Variants in CDC14B observed in about 807,000 individuals in gnomAD.
The protein encoded by CDC14B is dual specificity protein phosphatase CDC14B.
In CDC14B, 22 loss-of-function variants were observed where a neutral mutation model predicts 64.2. The observed-to-expected ratio is 0.34, with a 90% CI of 0.24 to 0.49. CDC14B has a LOEUF of 0.49. Among genes scored for constraint, CDC14B ranks in the 20% least tolerant of loss-of-function variants. CDC14B has a pLI of 0.99. For synonymous variants in CDC14B, 191 were observed against 215.8 expected, an observed-to-expected ratio of 0.89 and a Z score of 1.01; for missense variants, 498 against 629.9, an observed-to-expected ratio of 0.79 and a Z score of 2.24.
At chr9:96,612,029 T>C (rs1847353254) in intron 1 of CDC14B, among the ~76,000 whole-genome samples, 1 of 152,192 alleles carries the variant, frequency 6.6e-6, no homozygotes, top group African/African-American at 2.4e-5. Context: ...ATAATAAAAA[T>C]ACATAACAAT....
At position 96,618,648 on chromosome 9, in the gene CDC14B, G is replaced by A. The variant is rs760137509; in HGVS notation, c.160+571C>T. On this transcript the variant is annotated intron_variant, in intron 1 of 13. Transcript: ENST00000375241. The stretch of plus-strand genomic sequence containing the variant: ...AGGCGTTCGGGGGGCGCGCTAGGGG[G>A]CAGGGCGCGGGAGGCCCAGGAGAGG... 3 of 524,440 alleles carry A rather than the reference G, an allele frequency of 5.7e-6. No homozygotes were observed. The African/African-American group carries it at 5.8e-5, about 10-fold the overall frequency. 32.5% of individuals were successfully genotyped at this position (524,440 alleles called of 1,614,324 possible).
chr9:96,537,873 C>T (rs542322713), intron 7 of CDC14B, among the ~76,000 whole-genome samples: 5 of 152,212 alleles, frequency 3.3e-5, no homozygotes, highest in Admixed American at 2.0e-4. Flanking sequence ...CAGGCGCCCA[C>T]CACCACGCCT....
chr9:96,607,206 T>C lies in CDC14B; in HGVS notation c.160+12013A>G, dbSNP rs568780937. ...CATTAAGAAAAAATTCTATTAGCAC[T>C]GTGGCAGGAAATGGTTGTCTTCTGA... is the stretch of plus-strand genomic sequence containing the variant. On this transcript the variant is annotated intron_variant, in intron 1 of 13. Transcript: ENST00000375241. Among the ~76,000 whole-genome samples the C allele has an allele frequency of 1.6e-3, 237 of 152,110 alleles. 1 individual carries two copies. The highest frequency in any genetic ancestry group is 2.6e-3 in the Non-Finnish European group (179 of 68,000).
At chr9:96,541,801 T>C (rs773070672) in intron 6 of CDC14B, 25 bp downstream of exon 6, 42 of 1,550,346 alleles carry the variant, frequency 2.7e-5, no homozygotes, top group Non-Finnish European at 3.4e-5. Flanking sequence ...AACACAACAC[T>C]GGGTGCATCC....
chr9:96,520,291 G>A (rs1836484696), intron 12 of CDC14B, among the ~76,000 whole-genome samples: 1 of 152,084 alleles, frequency 6.6e-6, no homozygotes, highest in Non-Finnish European at 1.5e-5. Flanking sequence ...TATTGTTTTT[G>A]GGATATTACC....
intron 1 of CDC14B, among the ~76,000 whole-genome samples, chr9:96,590,114 C>T (rs967298885): frequency 2.0e-5 from 3 of 152,146 alleles, no homozygotes; most frequent in Non-Finnish European, 4.4e-5. Flanking sequence ...TAAACTGAAA[C>T]TCTATATCCA....
chr9:96,569,831 C>T (rs745897038), intron 1 of CDC14B, among the ~76,000 whole-genome samples: 7 of 152,048 alleles, frequency 4.6e-5, no homozygotes, highest in Non-Finnish European at 7.4e-5. Flanking sequence ...TCAAGTGATC[C>T]ACCGCCTCGG....
At chr9:96,517,836 T>A (rs1173219514) in intron 12 of CDC14B, among the ~76,000 whole-genome samples, 3 of 151,154 alleles carry the variant, frequency 2.0e-5, no homozygotes, top group Non-Finnish European at 4.4e-5. Flanking sequence ...GCCCAGTTTT[T>A]TTTTTTTATT....
Position 96,604,329 on chromosome 9 carries a change from C to T in CDC14B, c.160+14890G>A, listed in dbSNP as rs572992183. On this transcript the variant is annotated intron_variant, in intron 1 of 13. Transcript: ENST00000375241. ...CTTAAACATTTCCTTGAAAAGGCCT[C>T]GTGAAGCTTGCATTTATTATTATTA... is the stretch of plus-strand genomic sequence containing the variant. Among the ~76,000 whole-genome samples the T allele has an allele frequency of 4.7e-5, 7 of 149,096 alleles. No individual in the cohort carries two copies. The Admixed American group carries it at 4.7e-4, about 10-fold the overall frequency.
chr9:96,539,229 C>A, intron 6 of CDC14B, 89 bp from the exon 7 acceptor site: 1 of 903,878 alleles, frequency 1.1e-6, no homozygotes. Context: ...TATCAGGGGC[C>A]CCCCAAGAAA....
chr9:96,601,889 C>G (rs971109168), intron 1 of CDC14B, among the ~76,000 whole-genome samples: 13 of 150,922 alleles, frequency 8.6e-5, no homozygotes, highest in African/African-American at 3.2e-4. Flanking sequence ...GAAATCCCAT[C>G]TCCACTAAAA....
At position 96,501,038 on chromosome 9, in the gene CDC14B, A is replaced by C. The variant is rs1041277340; in HGVS notation, c.*2715T>G. On this transcript the variant is annotated 3_prime_UTR_variant, in exon 14 of 14. Transcript: ENST00000375241. ...GGGACAGGCTAGGGGCATCAAGCTC[A>C]GAACAGGGGAATTCTGGAGGCCGCA... is the stretch of plus-strand genomic sequence containing the variant. The C allele has an allele frequency of 4.6e-5, 7 of 152,370 alleles. No homozygotes were observed. Among genetic ancestry groups the C allele is most frequent in the Non-Finnish European group, 8.8e-5 (6 of 68,140 alleles). 9.4% of individuals were successfully genotyped at this position (152,370 alleles called of 1,614,324 possible).
intron 12 of CDC14B, among the ~76,000 whole-genome samples, chr9:96,511,216 T>G (rs1372068572): frequency 6.6e-6 from 1 of 152,116 alleles, no homozygotes; most frequent in African/African-American, 2.4e-5. Context: ...TCTACAACCT[T>G]AGCATGACCC....
intron 1 of CDC14B, among the ~76,000 whole-genome samples, chr9:96,590,057 T>G (rs1845688393): frequency 6.6e-6 from 1 of 152,188 alleles, no homozygotes; most frequent in Admixed American, 6.5e-5. Context: ...TAATGTTAAC[T>G]TGTATGTACA....
chr9:96,543,345 A>C (rs908604090), intron 5 of CDC14B, among the ~76,000 whole-genome samples: 1 of 152,170 alleles, frequency 6.6e-6, no homozygotes, highest in Non-Finnish European at 1.5e-5. Flanking sequence ...GTCTCAAAAA[A>C]AAAAAAAACT....
intron 1 of CDC14B, among the ~76,000 whole-genome samples, chr9:96,575,922 C>CA (rs1227469948): frequency 6.6e-6 from 1 of 152,104 alleles, no homozygotes; most frequent in African/African-American, 2.4e-5. Flanking sequence ...AAAGGATAGA[C>CA]AAAGGTATGC....
chr9:96,568,450 T>C (rs1844265655), intron 1 of CDC14B, among the ~76,000 whole-genome samples: 1 of 152,318 alleles, frequency 6.6e-6, no homozygotes, highest in Middle Eastern at 3.4e-3. Flanking sequence ...AGTTCCACTA[T>C]GAGGTACTAT....
chr9:96,523,232 C>G, intron 11 of CDC14B, 29 bp downstream of exon 11: 1 of 1,611,746 alleles, frequency 6.2e-7, no homozygotes, highest in Middle Eastern at 1.8e-4. Flanking sequence ...AAAGCAGTAA[C>G]AACATCGCAA....
intron 1 of CDC14B, among the ~76,000 whole-genome samples, chr9:96,617,003 C>T (rs1847673404): frequency 1.3e-5 from 2 of 152,094 alleles, no homozygotes; most frequent in African/African-American, 4.8e-5. Context: ...CACTGAGGGA[C>T]ACCTAGAGAA....
Sources: gnomAD v4.1 joint callset for allele counts (sites outside exome capture counted in the v4.1 genomes callset) on GRCh38, gnomAD v4.1.1 for gene constraint, MANE v1.5 for transcripts, NCBI Gene and HGNC (gene_info 2026-07-23, HGNC 2026-07-21) for gene names.